The following ZC4H2 variants were observed in gnomAD, a reference collection of about 807,000 sequenced individuals.
ZC4H2 encodes zinc finger C4H2 domain-containing protein.
For missense variants in ZC4H2, 137 were observed against 173.9 expected (o/e 0.79, Z 1.19); for synonymous variants, 84 against 66.3 (o/e 1.27, Z -1.30).
intron 1 of ZC4H2, among the ~76,000 whole-genome samples, chrX:64,958,636 A>AT (rs1026669331): frequency 6.4e-5 from 7 of 109,700 alleles, no homozygotes; most frequent in Admixed American, 9.8e-5. Context: ...TGTCTCAGTA[A>AT]TTTTTTTTTG....
chrX:64,944,029 G>T (rs1328114353), intron 1 of ZC4H2, among the ~76,000 whole-genome samples: 1 of 110,975 alleles, frequency 9.0e-6, no homozygotes, highest in Admixed American at 9.6e-5. Flanking sequence ...AGGCCTGGTG[G>T]TGACAAAATC....
At chrX:64,920,394 T>C in intron 2 of ZC4H2, 141 bp from the exon 3 acceptor site, 1 of 577,507 alleles carries the variant, frequency 1.7e-6, no homozygotes, top group Non-Finnish European at 2.6e-6. Context: ...CCTCTCCATG[T>C]AACTCTGGTC....
chrX:65,034,301 G>A (rs954786561), intron 1 of ZC4H2, among the ~76,000 whole-genome samples: 1 of 111,187 alleles, frequency 9.0e-6, no homozygotes, highest in African/African-American at 3.3e-5. Context: ...TGTTGCAGTA[G>A]TCAAGAATTG....
intron 1 of ZC4H2, among the ~76,000 whole-genome samples, chrX:64,932,959 A>T (rs1352450117): frequency 1.8e-5 from 2 of 110,891 alleles, no homozygotes; most frequent in Non-Finnish European, 3.8e-5. Flanking sequence ...AGTTTTCCAA[A>T]CTTTTAGATT....
At chrX:64,999,039 GTTT>G (rs58094683) in intron 1 of ZC4H2, among the ~76,000 whole-genome samples, 344 of 11,803 alleles carry the variant, frequency 0.029, 2 homozygotes, top group African/African-American at 0.08. Context: ...TGGATTATGT[GTTT>G]TTTTTTTTTT....
intron 1 of ZC4H2, among the ~76,000 whole-genome samples, chrX:64,970,318 A>G (rs757186168): frequency 4.5e-5 from 5 of 111,772 alleles, no homozygotes; most frequent in Non-Finnish European, 9.4e-5. Flanking sequence ...TCCTGTGGCC[A>G]GCATTGTTTG....
chrX:65,026,207 GA>G lies in ZC4H2; in HGVS notation c.-272+8421del, dbSNP rs1294626514. Reference sequence around the variant, plus strand: ...TATTTCCCTTTGGGGAGGAAGGAATGAAGGGCAGAGTAGAAATATAGGTACC... The same window carrying G: ...TATTTCCCTTTGGGGAGGAAGGAATGAGGGCAGAGTAGAAATATAGGTACC... On this transcript the variant is annotated intron_variant, in intron 1 of 4. Coordinates refer to the ZC4H2 transcript ENST00000337990. 7.1e-5 allele frequency among the ~76,000 whole-genome samples: 8 copies of G among 112,163 alleles called. No individual in the cohort carries two copies. The East Asian group carries it at 2.0e-3, about 27-fold the overall frequency.
chrX:64,922,049 C>A, intron 1 of ZC4H2, 61 bp from the exon 2 acceptor site: 2 of 1,175,607 alleles, frequency 1.7e-6, no homozygotes, highest in Admixed American at 4.8e-5. Flanking sequence ...AGAAATGGAG[C>A]CAGGACTTTT....
chrX:64,965,088 A>G (rs1000069040), intron 1 of ZC4H2, among the ~76,000 whole-genome samples: 1 of 112,063 alleles, frequency 8.9e-6, no homozygotes, highest in African/African-American at 3.2e-5. Context: ...TTATTTCATT[A>G]CACACTGGTG....
intron 1 of ZC4H2, among the ~76,000 whole-genome samples, chrX:64,965,949 C>CAAAAAAAAAAAAAAAAAAAAAAAAA (rs148777993): frequency 2.7e-5 from 1 of 37,586 alleles, no homozygotes; most frequent in Non-Finnish European, 4.0e-5. Flanking sequence ...AACAAAGAAG[C>CAAAAAAAAAAAAAAAAAAAAAAAAA]AAAAAAAAAA....
chrX:65,006,734 T>C (rs1056314330), intron 1 of ZC4H2, among the ~76,000 whole-genome samples: 7 of 112,023 alleles, frequency 6.2e-5, no homozygotes, highest in Non-Finnish European at 1.3e-4. Flanking sequence ...TTTTTCAACT[T>C]CATTATAATC....
At chrX:64,960,438 C>T (rs1405923160) in intron 1 of ZC4H2, among the ~76,000 whole-genome samples, 1 of 111,228 alleles carries the variant, frequency 9.0e-6, no homozygotes, top group South Asian at 3.8e-4. Context: ...AAAATAACCA[C>T]CCAAAGGGGA....
intron 1 of ZC4H2, among the ~76,000 whole-genome samples, chrX:64,969,763 T>C (rs1361811818): frequency 9.0e-6 from 1 of 111,727 alleles, no homozygotes; most frequent in Admixed American, 9.5e-5. Flanking sequence ...TAATAACCAC[T>C]ATGCTAATGG....
chrX:64,956,528 G>C, intron 1 of ZC4H2, among the ~76,000 whole-genome samples: 1 of 111,531 alleles, frequency 9.0e-6, no homozygotes, highest in Non-Finnish European at 1.9e-5. Flanking sequence ...ATTACACGCT[G>C]AGACCAGAAA....
At chrX:64,969,543 T>C (rs1223362948) in intron 1 of ZC4H2, among the ~76,000 whole-genome samples, 1 of 112,063 alleles carries the variant, frequency 8.9e-6, no homozygotes, top group Non-Finnish European at 1.9e-5. Context: ...CAGATTATAT[T>C]GTATAGGTAT....
chrX:64,927,579 T>C (rs1224356803), intron 1 of ZC4H2, among the ~76,000 whole-genome samples: 5 of 112,157 alleles, frequency 4.5e-5, no homozygotes. Flanking sequence ...GTGAACTGTG[T>C]TGCAATAAAC....
At chrX:65,029,409 G>A (rs1426580403) in intron 1 of ZC4H2, among the ~76,000 whole-genome samples, 1 of 111,790 alleles carries the variant, frequency 8.9e-6, no homozygotes, top group Non-Finnish European at 1.9e-5. Flanking sequence ...TGAAGAAATA[G>A]AGGCAGTGAA....
chrX:64,995,511 C>T (rs1211943349), intron 1 of ZC4H2, among the ~76,000 whole-genome samples: 1 of 112,046 alleles, frequency 8.9e-6, no homozygotes, highest in African/African-American at 3.2e-5. Flanking sequence ...AGGCATGTGC[C>T]ACCACACCTG....
intron 1 of ZC4H2, among the ~76,000 whole-genome samples, chrX:64,964,302 GAATA>G (rs937366325): frequency 9.0e-5 from 10 of 110,963 alleles, no homozygotes; most frequent in Non-Finnish European, 1.9e-4. Flanking sequence ...AATATTTGAA[GAATA>G]AATGGCCAAA....
Sources: gnomAD v4.1 joint callset for allele counts (sites outside exome capture counted in the v4.1 genomes callset) on GRCh38, gnomAD v4.1.1 for gene constraint, MANE v1.5 for transcripts, NCBI Gene and HGNC (gene_info 2026-07-23, HGNC 2026-07-21) for gene names.